NR5A2: variants seen among roughly 807,000 people sequenced by gnomAD.
The protein encoded by NR5A2 is nuclear receptor subfamily 5 group A member 2.
A neutral mutation model predicts 62.7 loss-of-function variants in NR5A2; 26 were observed. The observed-to-expected ratio is 0.41, with a 90% CI of 0.30 to 0.58. NR5A2 has a LOEUF of 0.58. Ranked by LOEUF, NR5A2 falls within the 20% of genes least tolerant of loss-of-function variation. The pLI, the probability that NR5A2 is intolerant of heterozygous loss-of-function variation, is 0.22. For synonymous variants in NR5A2, 246 were observed against 241.7 expected (o/e 1.02, Z -0.16); for missense variants, 541 against 669.1 (o/e 0.81, Z 2.11).
chr1:200,123,612 G>A (rs1447941888), intron 7 of NR5A2, among the ~76,000 whole-genome samples: 1 of 152,202 alleles, frequency 6.6e-6, no homozygotes, highest in Non-Finnish European at 1.5e-5. Context: ...AAGTATAGCA[G>A]TGTTCTTAAG....
At chr1:200,056,803 A>G (rs1662934877) in intron 5 of NR5A2, among the ~76,000 whole-genome samples, 1 of 152,144 alleles carries the variant, frequency 6.6e-6, no homozygotes, top group Non-Finnish European at 1.5e-5. Context: ...TATCTACTGG[A>G]ACCATGGGGA....
rs563208157 is a variant in NR5A2 at position 200,081,963 on chromosome 1, A to G, written c.1111-29239A>G. On this transcript the variant is annotated intron_variant, in intron 5 of 7. Transcript: ENST00000367362. The stretch of plus-strand genomic sequence containing the variant: ...TAATTATGCCCCTTAATTAAATCTC[A>G]GCTAACAGGGGGTCACCGCAGTGTC... Among the ~76,000 whole-genome samples the G allele has an allele frequency of 5.9e-5, 9 of 151,942 alleles. No individual in the cohort carries two copies. The South Asian group carries it at 1.9e-3, about 32-fold the overall frequency.
rs1245258361 is a variant in NR5A2, at chr1:200,175,863, T to A, written c.*1653T>A. The A allele has an allele frequency of 6.6e-6, 1 of 152,656 alleles. No homozygotes were observed. The highest frequency in any genetic ancestry group is 1.5e-5 in the Non-Finnish European group (1 of 68,040). 9.5% of individuals were successfully genotyped at this position (152,656 alleles called of 1,614,324 possible). A position where few individuals can be genotyped will look rare whatever the true frequency, so the allele number is the denominator to read the frequency against. ...AACTGTAAAAAATAAAAGTATCTCC[T>A]AGTCCCTTAATTTTTTCATAAATAT... On this transcript the variant is annotated 3_prime_UTR_variant, in exon 8 of 8. Transcript: ENST00000367362.
intron 7 of NR5A2, among the ~76,000 whole-genome samples, chr1:200,126,979 G>A (rs1366802364): frequency 6.6e-6 from 1 of 152,136 alleles, no homozygotes; most frequent in Non-Finnish European, 1.5e-5. Flanking sequence ...AGAAGGAAGT[G>A]GTGGTGATGC....
intron 7 of NR5A2, among the ~76,000 whole-genome samples, chr1:200,167,832 C>T (rs757293631): frequency 6.6e-5 from 10 of 152,312 alleles, no homozygotes; most frequent in Admixed American, 2.6e-4. Context: ...TTCTCTTCCA[C>T]GCGTTGCTCA....
chr1:200,069,508 C>A (rs147567897), intron 5 of NR5A2, among the ~76,000 whole-genome samples: 1 of 152,112 alleles, frequency 6.6e-6, no homozygotes, highest in Non-Finnish European at 1.5e-5. Context: ...CCCACCTCAG[C>A]CTTCCAAAGT....
rs112982543 is a variant in NR5A2 at position 200,113,215 on chromosome 1, C to T, written c.1230+1894C>T. On this transcript the variant is annotated intron_variant, in intron 6 of 7. Coordinates refer to ENST00000367362, the MANE Select transcript of NR5A2 (RefSeq NM_205860.3). ...TATGTTTCCTGCAGCCTGGATTCTT[C>T]CAGCTCCCCTCCCCACTCTTTAAAT... Among the ~76,000 whole-genome samples, 415 of 152,032 alleles carry T rather than the reference C, an allele frequency of 2.7e-3. 1 individual carries two copies. The highest frequency in any genetic ancestry group is 9.6e-3 in the African/African-American group (398 of 41,462).
intron 5 of NR5A2, among the ~76,000 whole-genome samples, chr1:200,052,672 T>C (rs573040500): frequency 2.1e-4 from 32 of 152,176 alleles, no homozygotes; most frequent in South Asian, 1.7e-3. Flanking sequence ...GACGGAGTCT[T>C]GCTTTGTCGC....
intron 5 of NR5A2, among the ~76,000 whole-genome samples, chr1:200,109,828 G>T (rs935824758): frequency 2.6e-5 from 4 of 152,192 alleles, no homozygotes; most frequent in African/African-American, 9.7e-5. Context: ...GCAGTGGCAT[G>T]ATCTCTGCTC....
intron 7 of NR5A2, among the ~76,000 whole-genome samples, chr1:200,161,953 G>A (rs1385533617): frequency 6.6e-6 from 1 of 152,190 alleles, no homozygotes; most frequent in East Asian, 1.9e-4. Context: ...CCTTCTGAGA[G>A]AATGCAATCT....
chr1:200,160,747 G>A (rs2102379064), intron 7 of NR5A2, among the ~76,000 whole-genome samples: 1 of 151,124 alleles, frequency 6.6e-6, no homozygotes, highest in Non-Finnish European at 1.5e-5. Context: ...ATCTAGTATG[G>A]GCTAAATTCA....
At chr1:200,079,881 T>C (rs1558125665) in intron 5 of NR5A2, among the ~76,000 whole-genome samples, 2 of 148,316 alleles carry the variant, frequency 1.3e-5, no homozygotes. Flanking sequence ...AAAAAAAAAA[T>C]GGTGAAAGGG....
intron 5 of NR5A2, among the ~76,000 whole-genome samples, chr1:200,079,868 TAA>T (rs3838442): frequency 7.0e-4 from 104 of 148,862 alleles, no homozygotes; most frequent in African/African-American, 1.6e-3. Flanking sequence ...GGCCTTGTTA[TAA>T]AAAAAAAAAA....
intron 1 of NR5A2, among the ~76,000 whole-genome samples, chr1:200,030,666 TAAAAC>T (rs760129642): frequency 1.3e-5 from 2 of 152,228 alleles, no homozygotes; most frequent in Non-Finnish European, 2.9e-5. Context: ...ATGTTATACA[TAAAAC>T]AAATATTTAT....
intron 1 of NR5A2, among the ~76,000 whole-genome samples, chr1:200,031,373 T>C (rs1661541106): frequency 6.6e-6 from 1 of 151,828 alleles, no homozygotes; most frequent in Admixed American, 6.6e-5. Context: ...TAGCTGGGTG[T>C]GGGTGTGGTG....
At position 200,097,625 on chromosome 1, in the gene NR5A2, T is replaced by TAACA. The variant is rs886945748; in HGVS notation, c.1111-13576_1111-13573dup. Among the ~76,000 whole-genome samples the TAACA allele has an allele frequency of 8.5e-4, 130 of 152,356 alleles. 2 individuals carry two copies. The highest frequency in any genetic ancestry group is 1.2e-3 in the Non-Finnish European group (80 of 68,034). On this transcript the variant is annotated intron_variant, in intron 5 of 7. Transcript: ENST00000367362. ...TAAACCCAATAGTTGTAGAGATTAC[T>TAACA]AACAGTGAGTAAAGGAAAGGCTATC...
At position 200,048,130 on chromosome 1, in the gene NR5A2, A is replaced by G. The variant is rs746329180; in HGVS notation, c.464-42A>G. On this transcript the variant is annotated intron_variant, in intron 4 of 7. Coordinates refer to ENST00000367362, the MANE Select transcript of NR5A2 (RefSeq NM_205860.3). This position sits in a 1 kb window ranked among gnomAD's most constrained non-coding sequence, Gnocchi z 4.8. ...GAAGAATGCTAATAATTTGCACCTT[A>G]TTTATACCTTTCCTTCCTTCCCCCC... The G allele has an allele frequency of 1.3e-6, 2 of 1,529,628 alleles. No individual in the cohort carries two copies. Among genetic ancestry groups the G allele is most frequent in the Non-Finnish European group, 1.8e-6 (2 of 1,131,996 alleles). 94.8% of individuals were successfully genotyped at this position (1,529,628 alleles called of 1,614,324 possible).
intron 7 of NR5A2, among the ~76,000 whole-genome samples, chr1:200,144,704 T>G (rs955401275): frequency 1.3e-5 from 2 of 152,236 alleles, no homozygotes; most frequent in African/African-American, 4.8e-5. Context: ...TAAGAAACTC[T>G]TGTGTACTAG....
intron 7 of NR5A2, among the ~76,000 whole-genome samples, chr1:200,165,437 T>C (rs1198707493): frequency 6.6e-6 from 1 of 152,216 alleles, no homozygotes; most frequent in Non-Finnish European, 1.5e-5. Flanking sequence ...CGTAATGACA[T>C]GTATCCACCA....
Sources: gnomAD v4.1 joint callset for allele counts (sites outside exome capture counted in the v4.1 genomes callset) on GRCh38, gnomAD v4.1.1 for gene constraint, Gnocchi (gnomAD v3.1) non-coding constraint, MANE v1.5 for transcripts, NCBI Gene and HGNC (gene_info 2026-07-23, HGNC 2026-07-21) for gene names.